Variants in ANXA8 observed in about 807,000 individuals in gnomAD.
ANXA8 encodes the protein annexin A8.
A neutral mutation model predicts 26.8 loss-of-function variants in ANXA8; 9 were observed. The observed-to-expected ratio is 0.34, with a 90% CI of 0.20 to 0.59. ANXA8 has a LOEUF of 0.59. Ranked by LOEUF, ANXA8 falls within the 20% of genes least tolerant of loss-of-function variation. The pLI, the probability that ANXA8 is intolerant of heterozygous loss-of-function variation, is 0.84. For synonymous variants in ANXA8, 39 were observed against 94.8 expected, an observed-to-expected ratio of 0.41 and a Z score of 3.42; for missense variants, 83 against 238.5, an observed-to-expected ratio of 0.35 and a Z score of 4.29.
the ANXA8 span, among the ~76,000 whole-genome samples, chr10:47,617,641 G>A: frequency 4.1e-5 from 6 of 148,062 alleles, no homozygotes; most frequent in East Asian, 1.9e-4. Context: ...TGTAGCTATC[G>A]CAGTTAAACT....
At chr10:47,650,173 A>G in the ANXA8 span, among the ~76,000 whole-genome samples, 1 of 144,598 alleles carries the variant, frequency 6.9e-6, no homozygotes, top group Non-Finnish European at 1.5e-5. Context: ...ATGCCACTGC[A>G]CCCCAGCCTG....
At chr10:47,693,611 G>C in the ANXA8 span, among the ~76,000 whole-genome samples, 2 of 151,560 alleles carry the variant, frequency 1.3e-5, no homozygotes, top group African/African-American at 4.9e-5. Context: ...TTTATAAAGA[G>C]GTAAACACAA....
chr10:47,951,947 ATCAGTGCAAT>A, the ANXA8 span, among the ~76,000 whole-genome samples: 1 of 150,704 alleles, frequency 6.6e-6, no homozygotes, highest in Non-Finnish European at 1.5e-5. Flanking sequence ...TGCAAAGTTA[ATCAGTGCAAT>A]TGACCAATCA....
At chr10:47,624,498 T>C in the ANXA8 span, among the ~76,000 whole-genome samples, 3 of 105,496 alleles carry the variant, frequency 2.8e-5, no homozygotes, top group Non-Finnish European at 6.3e-5. Context: ...TATTTAACAA[T>C]ATTCTCTTAT....
the ANXA8 span, among the ~76,000 whole-genome samples, chr10:47,940,685 C>T: frequency 2.0e-5 from 3 of 147,346 alleles, no homozygotes; most frequent in Non-Finnish European, 4.5e-5. Context: ...AAAAATTAGC[C>T]AGGCGTGGTG....
chr10:47,975,361 G>T, the ANXA8 span, among the ~76,000 whole-genome samples: 1 of 148,726 alleles, frequency 6.7e-6, no homozygotes, highest in Non-Finnish European at 1.5e-5. Flanking sequence ...TCTTTGCACT[G>T]GGCAACCCTA....
chr10:47,720,716 G>A, the ANXA8 span, among the ~76,000 whole-genome samples: 1 of 140,550 alleles, frequency 7.1e-6, no homozygotes, highest in Non-Finnish European at 1.5e-5. Context: ...TGTTATCATG[G>A]CATACTTCAA....
At chr10:47,666,383 C>A in the ANXA8 span, among the ~76,000 whole-genome samples, 23 of 150,830 alleles carry the variant, frequency 1.5e-4, no homozygotes, top group Admixed American at 4.0e-4. Context: ...TGACAGCCAG[C>A]GTTGCTATAA....
the ANXA8 span, among the ~76,000 whole-genome samples, chr10:47,663,534 T>C: frequency 7.5e-6 from 1 of 132,716 alleles, no homozygotes; most frequent in Non-Finnish European, 1.5e-5. Context: ...TACAGGTGCA[T>C]GCCACCATGC....
chr10:47,652,918 G>A, the ANXA8 span, among the ~76,000 whole-genome samples: 77 of 151,268 alleles, frequency 5.1e-4, no homozygotes, highest in African/African-American at 1.8e-3. Context: ...TTAGCCAAAA[G>A]TCTGAGTAGT....
chr10:47,645,773 T>G, the ANXA8 span, among the ~76,000 whole-genome samples: 1 of 150,124 alleles, frequency 6.7e-6, no homozygotes, highest in African/African-American at 2.5e-5. Context: ...CTCACCAATA[T>G]CTATGGGCAT....
the ANXA8 span, among the ~76,000 whole-genome samples, chr10:47,694,403 A>G: frequency 6.7e-6 from 1 of 148,728 alleles, no homozygotes; most frequent in Admixed American, 6.7e-5. Flanking sequence ...ATATACCCCC[A>G]AACAGAAATC....
chr10:47,974,761 G>A, the ANXA8 span, among the ~76,000 whole-genome samples: 1 of 148,644 alleles, frequency 6.7e-6, no homozygotes, highest in Non-Finnish European at 1.5e-5. Context: ...CCAAGAGTGT[G>A]TTTGGTATAA....
At chr10:47,501,108 T>G in the ANXA8 span, among the ~76,000 whole-genome samples, 345 of 143,668 alleles carry the variant, frequency 2.4e-3, no homozygotes, top group African/African-American at 6.9e-3. Flanking sequence ...TTCACCATGT[T>G]AGCCAGGATG....
the ANXA8 span, chr10:47,564,662 G>A: frequency 5.8e-5 from 19 of 328,194 alleles, 5 homozygotes; most frequent in Non-Finnish European, 9.2e-5. Context: ...CTGCTTCCCC[G>A]ACCTCTGCAA....
At chr10:47,607,987 TATTAA>T in the ANXA8 span, among the ~76,000 whole-genome samples, 1 of 146,232 alleles carries the variant, frequency 6.8e-6, no homozygotes, top group East Asian at 1.9e-4. Flanking sequence ...TTATTTTATC[TATTAA>T]ATTAGGAAAG....
the ANXA8 span, among the ~76,000 whole-genome samples, chr10:47,663,751 G>T: frequency 6.8e-6 from 1 of 147,594 alleles, no homozygotes; most frequent in Non-Finnish European, 1.5e-5. Flanking sequence ...AAAGCAGAAG[G>T]GGTGCTTAAG....
the ANXA8 span, chr10:47,565,073 G>A: frequency 1.3e-6 from 1 of 766,420 alleles, no homozygotes. Context: ...CTCCGAAGAC[G>A]CCTACAGGTT....
chr10:47,659,676 CAAAA>C, the ANXA8 span, among the ~76,000 whole-genome samples: 2 of 80,528 alleles, frequency 2.5e-5, no homozygotes, highest in African/African-American at 5.1e-5. Context: ...AACTCTGTCT[CAAAA>C]AAAAAAAAAA....
Sources: gnomAD v4.1 joint callset for allele counts (sites outside exome capture counted in the v4.1 genomes callset) on GRCh38, gnomAD v4.1.1 for gene constraint, MANE v1.5 for transcripts, NCBI Gene and HGNC (gene_info 2026-07-23, HGNC 2026-07-21) for gene names.